Variants in BTN2A1 observed in about 807,000 individuals in gnomAD.
BTN2A1 encodes butyrophilin, subfamily 2, member A1.
A neutral mutation model predicts 34.5 loss-of-function variants in BTN2A1; 41 were observed. The ratio of observed to expected loss-of-function variants is 1.19; its 90% CI spans 0.93 to 1.54. The LOEUF is 1.54. BTN2A1 is among the 40% of genes most tolerant of loss of function. The probability of loss-of-function intolerance (pLI) is 0.00; values close to 1 mark genes in which losing one functional copy is unlikely to be tolerated. For missense variants in BTN2A1, 642 were observed against 662.0 expected, an observed-to-expected ratio of 0.97 and a Z score of 0.33; for synonymous variants, 267 against 258.6, an observed-to-expected ratio of 1.03 and a Z score of -0.31.
chr6:26,459,956 GA>G (rs1763119098), intron 3 of BTN2A1, 128 bp downstream of exon 3: 1 of 108,324 alleles, frequency 9.2e-6, no homozygotes, highest in African/African-American at 7.4e-5. Context: ...TCTCCCTGTG[GA>G]AACGGAATTC....
chr6:26,476,441 C>G, exon 8 of BTN2A1: 1 of 657,346 alleles, frequency 1.5e-6, no homozygotes, highest in Non-Finnish European at 2.9e-6. Flanking sequence ...TCCAGCTGCC[C>G]AAGCTGGTTT....
exon 8 of BTN2A1, chr6:26,476,561 G>A (rs1032291934): frequency 4.7e-5 from 14 of 294,832 alleles, no homozygotes; most frequent in Non-Finnish European, 8.8e-5. Context: ...GGATCTCGGG[G>A]CTGTGTCACA....
intron 3 of BTN2A1, 142 bp from the exon 4 acceptor site, chr6:26,463,102 C>CT: frequency 2.7e-6 from 3 of 1,100,446 alleles, no homozygotes; most frequent in Non-Finnish European, 3.8e-6. Context: ...TACCCTCATC[C>CT]TTTTTTTCTT....
At chr6:26,458,585 T>A (rs1763071383) in intron 1 of BTN2A1, 22 bp from the exon 2 acceptor site, 4 of 1,600,426 alleles carry the variant, frequency 2.5e-6, no homozygotes, top group Non-Finnish European at 3.4e-6. Context: ...ACTCCTAGGC[T>A]GATTCTCCTC....
chr6:26,476,137 T>G, exon 8 of BTN2A1: 1 of 1,536,296 alleles, frequency 6.5e-7, no homozygotes, highest in Non-Finnish European at 8.7e-7. Context: ...GTTTGAAGCT[T>G]TATATATCAT....
At chr6:26,467,095 G>T (rs549244513) in intron 7 of BTN2A1, among the ~76,000 whole-genome samples, 1 of 152,132 alleles carries the variant, frequency 6.6e-6, no homozygotes, top group Non-Finnish European at 1.5e-5. Flanking sequence ...GGGTGCCCTT[G>T]TTAGTCATTT....
At chr6:26,462,287 C>T (rs1420389915) in intron 3 of BTN2A1, among the ~76,000 whole-genome samples, 1 of 152,056 alleles carries the variant, frequency 6.6e-6, no homozygotes, top group East Asian at 1.9e-4. Context: ...GTGATGATCT[C>T]TGATATTGAA....
At chr6:26,469,992 A>G (rs1215963908), downstream of BTN2A1, among the ~76,000 whole-genome samples, 2 of 152,022 alleles carry the variant, frequency 1.3e-5, no homozygotes, top group African/African-American at 2.4e-5. Context: ...GGAGTTTGCA[A>G]TGAGCTGTGA....
Position 26,468,398 on chromosome 6 carries a change from C to A in BTN2A1, c.1433C>A (p.Ser478Ter), listed in dbSNP as rs201238249. 2.4e-5 allele frequency: 38 copies of A among 1,614,098 alleles called. No individual in the cohort carries two copies. The highest frequency in any genetic ancestry group is 2.2e-5 in the South Asian group (2 of 91,088). The change falls in exon 8 of 8, where the codon TCA becomes TAA. Residue 478 changes from serine to a stop codon, truncating the protein, a stop_gained. Coordinates refer to ENST00000312541, the MANE Select transcript of BTN2A1 (RefSeq NM_007049.5). LOFTEE classifies it low-confidence loss of function (END_TRUNC). ...DRSHIYTCPR[S>*]AFSVPVRPFF... ...TCGCACATCTACACATGTCCCCGTTCAGCCTTTTCCGTGCCTGTGAGGCCC... is the reference window on the plus strand; with the variant it reads ...TCGCACATCTACACATGTCCCCGTTAAGCCTTTTCCGTGCCTGTGAGGCCC...
At chr6:26,459,041 T>C (rs747671583) in intron 2 of BTN2A1, among the ~76,000 whole-genome samples, 3 of 152,248 alleles carry the variant, frequency 2.0e-5, no homozygotes, top group Admixed American at 2.0e-4. Flanking sequence ...TTAGTTAATA[T>C]ACCATATTAC....
chr6:26,467,698 TA>T, intron 7 of BTN2A1: 1 of 1,581,258 alleles, frequency 6.3e-7, no homozygotes, highest in Admixed American at 1.9e-5. Context: ...CTTCATTTGC[TA>T]AACTTTCCGG....
chr6:26,464,549 C>T (rs1405305747), intron 4 of BTN2A1, among the ~76,000 whole-genome samples: 1 of 152,086 alleles, frequency 6.6e-6, no homozygotes, highest in African/African-American at 2.4e-5. Flanking sequence ...TCATCAGATG[C>T]TTAAGGACTG....
intron 4 of BTN2A1, 38 bp from the exon 5 acceptor site, chr6:26,465,147 G>A (rs779644443): frequency 1.3e-6 from 2 of 1,579,056 alleles, no homozygotes; most frequent in Non-Finnish European, 8.7e-7. Flanking sequence ...CAGATGTTCT[G>A]TTTCAAACTA....
downstream of BTN2A1, among the ~76,000 whole-genome samples, chr6:26,472,243 G>GTT (rs1763465005): frequency 6.6e-6 from 1 of 152,152 alleles, no homozygotes; most frequent in Non-Finnish European, 1.5e-5. Context: ...TCTACCAGCT[G>GTT]TTTTAGCCTC....
At position 26,465,954 on chromosome 6, in the gene BTN2A1, G is replaced by A; in HGVS notation, c.936G>A (p.Glu312=). ...VQKEEELQVK[E]KLQEELRWRR... Reference sequence around the variant, plus strand: ...TGATTTTCTTTGTTTGTTTTTCAGAGAAACTTCAAGAAGAATTGCGTAAGT... The same window carrying A: ...TGATTTTCTTTGTTTGTTTTTCAGAAAAACTTCAAGAAGAATTGCGTAAGT... The change falls in exon 6 of 8, where the codon GAG becomes GAA. Residue 312 remains glutamate (E), a splice_region_variant and synonymous_variant. Transcript: ENST00000312541. 6.2e-7 allele frequency: 1 copy of A among 1,614,180 alleles called. No individual in the cohort carries two copies. The highest frequency in any genetic ancestry group is 8.5e-7 in the Non-Finnish European group (1 of 1,180,022).
chr6:26,461,790 AATC>A, intron 3 of BTN2A1, among the ~76,000 whole-genome samples: 1 of 3,282 alleles, frequency 3.0e-4, no homozygotes, highest in Non-Finnish European at 5.7e-4. Context: ...CTAAAAAATA[AATC>A]AATAAATAAA....
chr6:26,460,223 C>T (rs921406571), intron 3 of BTN2A1, among the ~76,000 whole-genome samples: 13 of 152,146 alleles, frequency 8.5e-5, no homozygotes, highest in African/African-American at 2.9e-4. Flanking sequence ...TCACTGCAAC[C>T]TCTGCCTCCC....
intron 7 of BTN2A1, among the ~76,000 whole-genome samples, chr6:26,467,014 A>G (rs1411747590): frequency 6.6e-6 from 1 of 152,138 alleles, no homozygotes; most frequent in East Asian, 1.9e-4. Context: ...TACTCCCTAC[A>G]TTTGCCCACA....
At chr6:26,467,862 T>G in intron 7 of BTN2A1, 86 bp from the exon 8 acceptor site, 1 of 1,564,230 alleles carries the variant, frequency 6.4e-7, no homozygotes, top group Non-Finnish European at 8.6e-7. Flanking sequence ...CCTTCAGAGA[T>G]ATCTGAGACC....
Sources: gnomAD v4.1 joint callset for allele counts (sites outside exome capture counted in the v4.1 genomes callset) on GRCh38, gnomAD v4.1.1 for gene constraint, MANE v1.5 for transcripts, NCBI Gene and HGNC (gene_info 2026-07-23, HGNC 2026-07-21) for gene names.